The following VRK2 variants were observed in gnomAD, a reference collection of about 807,000 sequenced individuals.
VRK2 encodes serine/threonine-protein kinase VRK2.
VRK2 carries 60 observed loss-of-function variants against 57.6 expected under a neutral mutation model. The observed-to-expected ratio is 1.04, with a 90% confidence interval of 0.85 to 1.29. VRK2 has a LOEUF of 1.29. VRK2 is among the 50% of genes most tolerant of loss of function. The pLI is 0.00. For missense variants in VRK2, 705 were observed against 588.1 expected, an observed-to-expected ratio of 1.20 and a Z score of -2.06; for synonymous variants, 231 against 199.2, an observed-to-expected ratio of 1.16 and a Z score of -1.35.
In VRK2 at chr2:58,159,469, G is replaced by A. The variant is rs201610023; in HGVS notation, c.1303G>A (p.Asp435Asn). Reference protein sequence around the residue: ...FPNSFYEPHQDFTSPDIFKKS... With the variant: ...FPNSFYEPHQNFTSPDIFKKS... Reference sequence around the variant, plus strand: ...AAACTCATTTTATGAGCCTCATCAAGATTTTACCAGTCCAGATATATTCAA... The same window carrying A: ...AAACTCATTTTATGAGCCTCATCAAAATTTTACCAGTCCAGATATATTCAA... Residue 435 changes from aspartate to asparagine, a missense_variant, in exon 13 of 13, where the codon GAT becomes AAT. Transcript: ENST00000340157. The A allele has an allele frequency of 1.6e-5, 26 of 1,613,498 alleles. No homozygotes were observed. Among genetic ancestry groups the A allele is most frequent in the Admixed American group, 3.3e-5 (2 of 59,932 alleles).
chr2:58,063,565 C>CA (rs1431096290), intron 2 of VRK2, among the ~76,000 whole-genome samples: 3 of 151,850 alleles, frequency 2.0e-5, no homozygotes, highest in East Asian at 1.9e-4. Flanking sequence ...TTCTCAGAAA[C>CA]AAAAAAATTG....
chr2:58,078,717 TA>T (rs1395871419), intron 2 of VRK2, among the ~76,000 whole-genome samples: 1 of 152,066 alleles, frequency 6.6e-6, no homozygotes, highest in African/African-American at 2.4e-5. Flanking sequence ...TCCTAATGGA[TA>T]GGGGGTGATA....
chr2:58,022,009 T>C (rs1306234127), intron 1 of VRK2, among the ~76,000 whole-genome samples: 1 of 152,208 alleles, frequency 6.6e-6, no homozygotes, highest in Non-Finnish European at 1.5e-5. Flanking sequence ...CTTCATGCTA[T>C]CCATATTGAG....
At position 58,087,972 on chromosome 2, in the gene VRK2, C is replaced by A. The variant is rs190465117; in HGVS notation, c.345-369C>A. ...ACTGCACTCCAGCCTGGTGACAGAG[C>A]GGGACTCTGTCTCAAAAAAAAAATC... On this transcript the variant is annotated intron_variant, in intron 5 of 12. Transcript: ENST00000340157. 4.6e-5 allele frequency among the ~76,000 whole-genome samples: 7 copies of A among 151,752 alleles called. No individual in the cohort carries two copies. The East Asian group carries it at 1.4e-3, about 29-fold the overall frequency.
At chr2:58,109,308 T>G (rs1043748045) in intron 7 of VRK2, among the ~76,000 whole-genome samples, 3 of 152,040 alleles carry the variant, frequency 2.0e-5, no homozygotes, top group African/African-American at 7.2e-5. Context: ...AGCCAAAGCA[T>G]AAATTTAAAA....
chr2:57,915,381 T>C (rs1407398154), intron 1 of VRK2, among the ~76,000 whole-genome samples: 1 of 152,166 alleles, frequency 6.6e-6, no homozygotes, highest in Non-Finnish European at 1.5e-5. Flanking sequence ...CCCAGAATTA[T>C]ATAATGAGAT....
At chr2:58,078,244 T>C (rs1461032325) in intron 2 of VRK2, among the ~76,000 whole-genome samples, 1 of 152,106 alleles carries the variant, frequency 6.6e-6, no homozygotes, top group Non-Finnish European at 1.5e-5. Flanking sequence ...TAGAATCATA[T>C]AGTATTTGTC....
At chr2:57,931,969 T>C (rs1670743091) in intron 1 of VRK2, among the ~76,000 whole-genome samples, 1 of 152,156 alleles carries the variant, frequency 6.6e-6, no homozygotes, top group Admixed American at 6.5e-5. Flanking sequence ...TTCTGTTGCA[T>C]TGATCTATAC....
chr2:57,944,515 T>G (rs1332030676), intron 1 of VRK2, among the ~76,000 whole-genome samples: 2 of 152,170 alleles, frequency 1.3e-5, no homozygotes, highest in African/African-American at 4.8e-5. Flanking sequence ...GGCAGGCGGA[T>G]CACGACGTCA....
intron 12 of VRK2, among the ~76,000 whole-genome samples, chr2:58,156,023 G>A (rs1278844018): frequency 6.6e-6 from 1 of 151,810 alleles, no homozygotes; most frequent in Admixed American, 6.6e-5. Flanking sequence ...CATGGCGGGT[G>A]GAGACTCAAG....
intron 2 of VRK2, among the ~76,000 whole-genome samples, chr2:58,080,330 G>A (rs557325930): frequency 6.6e-6 from 1 of 151,920 alleles, no homozygotes; most frequent in Non-Finnish European, 1.5e-5. Flanking sequence ...TATTTTAGAT[G>A]GGTTTGAAAA....
intron 1 of VRK2, among the ~76,000 whole-genome samples, chr2:58,015,634 TA>T (rs151210660): frequency 0.021 from 3,184 of 152,266 alleles, 146 homozygotes; most frequent in African/African-American, 0.073. Flanking sequence ...TTTATGTGTA[TA>T]AAAAATAAAA....
At chr2:57,961,586 G>A (rs1019400971) in intron 1 of VRK2, among the ~76,000 whole-genome samples, 3 of 151,230 alleles carry the variant, frequency 2.0e-5, no homozygotes, top group African/African-American at 7.3e-5. Flanking sequence ...GTTTCACATA[G>A]GATTTGTGGT....
intron 1 of VRK2, among the ~76,000 whole-genome samples, chr2:57,986,686 C>A (rs1672604916): frequency 6.7e-6 from 1 of 149,142 alleles, no homozygotes; most frequent in Admixed American, 6.7e-5. Flanking sequence ...GCAACCTCTG[C>A]CTCCCAGGTT....
At chr2:58,046,590 TC>T (rs1674773969), upstream of VRK2, 11 of 985,530 alleles carry the variant, frequency 1.1e-5, no homozygotes, top group Non-Finnish European at 1.2e-5. Context: ...GTAACACAGC[TC>T]CCATTCCCCA....
Position 58,123,234 on chromosome 2 carries a change from G to A in VRK2, c.676+1G>A. ...AGCTTGGATGCCCACAAGGGAGTAG[G>A]TGGGTTTCTTTTTTCTTTTTCTTAT... On this transcript the variant is annotated splice_donor_variant, in intron 8 of 12. Coordinates refer to ENST00000340157, the MANE Select transcript of VRK2 (RefSeq NM_006296.7). LOFTEE classifies it high-confidence loss of function. 6.3e-7 allele frequency: 1 copy of A among 1,574,998 alleles called. No homozygotes were observed.
intron 1 of VRK2, among the ~76,000 whole-genome samples, chr2:57,970,891 A>C (rs1185487316): frequency 1.3e-5 from 2 of 151,666 alleles, no homozygotes; most frequent in Non-Finnish European, 2.9e-5. Flanking sequence ...ATTTCATAAG[A>C]CTCTTAATTG....
intron 1 of VRK2, among the ~76,000 whole-genome samples, chr2:57,927,764 G>A (rs1490192707): frequency 2.6e-5 from 4 of 152,026 alleles, no homozygotes; most frequent in Non-Finnish European, 5.9e-5. Flanking sequence ...GTCTGGGAAC[G>A]TCTTTATTTC....
At chr2:57,996,102 T>C (rs1672914403) in intron 1 of VRK2, among the ~76,000 whole-genome samples, 1 of 152,246 alleles carries the variant, frequency 6.6e-6, no homozygotes, top group Non-Finnish European at 1.5e-5. Context: ...ACGGGTGATG[T>C]GCATAAGTTA....
Sources: allele counts gnomAD v4.1 joint callset (sites outside exome capture counted in the v4.1 genomes callset), GRCh38; gene constraint gnomAD v4.1.1; transcripts MANE v1.5; gene names NCBI Gene and HGNC (gene_info 2026-07-23, HGNC 2026-07-21).